TAOK3: variants seen among roughly 807,000 people sequenced by gnomAD.
TAOK3 encodes TAO kinase 3, also known as serine/threonine-protein kinase TAO3.
A neutral mutation model predicts 120.4 loss-of-function variants in TAOK3; 40 were observed. The ratio of observed to expected loss-of-function variants is 0.33; its 90% CI spans 0.26 to 0.43. The LOEUF (loss-of-function observed/expected upper bound fraction) is 0.43, where lower values mean the gene tolerates loss of function less well. Ranked by LOEUF, TAOK3 falls within the 20% of genes least tolerant of loss-of-function variation. The pLI is 1.00. For synonymous variants in TAOK3, 355 were observed against 387.5 expected, an observed-to-expected ratio of 0.92 and a Z score of 0.99; for missense variants, 821 against 1,112.1, an observed-to-expected ratio of 0.74 and a Z score of 3.72.
chr12:118,217,650 C>A lies in TAOK3; in HGVS notation c.644-3540G>T, dbSNP rs190983791. 2.1e-3 allele frequency among the ~76,000 whole-genome samples: 311 copies of A among 150,742 alleles called. 7 individuals are homozygous for A. The highest frequency in any genetic ancestry group is 6.8e-3 in the Middle Eastern group (2 of 292). On this transcript the variant is annotated intron_variant, in intron 9 of 20. Coordinates refer to ENST00000392533, the MANE Select transcript of TAOK3 (RefSeq NM_016281.4). Reference sequence around the variant, plus strand: ...AATGAGCTGAGATCATGCCACTGCACTCCAGCCTGAGTGATGGAGTGAGAC... The same window carrying A: ...AATGAGCTGAGATCATGCCACTGCAATCCAGCCTGAGTGATGGAGTGAGAC...
At chr12:118,158,546 G>A (rs1319095144) in intron 19 of TAOK3, among the ~76,000 whole-genome samples, 4 of 151,844 alleles carry the variant, frequency 2.6e-5, no homozygotes, top group African/African-American at 7.3e-5. Context: ...CTCTCAAATT[G>A]GTCACTAAGT....
chr12:118,244,917 A>G lies in TAOK3; in HGVS notation c.169T>C (p.Tyr57His). ...ACCTCATGGGTCTGCTTCCCACTAT[A>G]GGACATCTTCTTAATTGCCACCACC... ...SEVVAIKKMS[Y>H]SGKQTHEKWQ... The change falls in exon 4 of 21, where the codon TAT becomes CAT. Residue 57 changes from tyrosine (Y) to histidine (H), a missense_variant. Transcript: ENST00000392533. 5 of 1,609,246 alleles carry G rather than the reference A, an allele frequency of 3.1e-6. No homozygotes were observed. Among genetic ancestry groups the G allele is most frequent in the Non-Finnish European group, 4.3e-6 (5 of 1,176,038 alleles).
chr12:118,234,210 A>C (rs61945191), intron 8 of TAOK3, among the ~76,000 whole-genome samples: 1 of 101,008 alleles, frequency 9.9e-6, no homozygotes, highest in Non-Finnish European at 2.2e-5. Flanking sequence ...ATAAAGCAGG[A>C]AATTTTTTTT....
At chr12:118,194,614 T>G (rs75481651) in intron 13 of TAOK3, among the ~76,000 whole-genome samples, 1 of 108,504 alleles carries the variant, frequency 9.2e-6, no homozygotes, top group Non-Finnish European at 2.1e-5. Flanking sequence ...GGACATTTCT[T>G]TTTTTTTTTT....
chr12:118,188,953 C>A (rs879685003), intron 14 of TAOK3, among the ~76,000 whole-genome samples: 2 of 150,806 alleles, frequency 1.3e-5, no homozygotes, highest in Non-Finnish European at 2.9e-5. Flanking sequence ...TGAGTGTGAG[C>A]GCGCACGCGC....
chr12:118,212,415 T>C (rs893628598), intron 11 of TAOK3, among the ~76,000 whole-genome samples: 1 of 152,250 alleles, frequency 6.6e-6, no homozygotes, highest in Admixed American at 6.5e-5. Flanking sequence ...ATCAAATAAA[T>C]GTGGTTAACA....
intron 1 of TAOK3, among the ~76,000 whole-genome samples, chr12:118,278,845 C>A (rs768073747): frequency 3.3e-5 from 5 of 152,192 alleles, no homozygotes; most frequent in African/African-American, 1.2e-4. Flanking sequence ...CTTGCTCTGT[C>A]GCCCAGGCTG....
At chr12:118,182,621 A>ATT (rs1255090106) in intron 14 of TAOK3, among the ~76,000 whole-genome samples, 195 of 98,946 alleles carry the variant, frequency 2.0e-3, no homozygotes, top group East Asian at 0.014. Flanking sequence ...ATATATATAT[A>ATT]TATTTTTTTT....
chr12:118,228,708 C>G (rs1280405335), intron 9 of TAOK3, among the ~76,000 whole-genome samples: 1 of 152,182 alleles, frequency 6.6e-6, no homozygotes, highest in Non-Finnish European at 1.5e-5. Context: ...AACAGTTGCA[C>G]CCTTGTACAC....
intron 9 of TAOK3, among the ~76,000 whole-genome samples, chr12:118,228,996 ACT>A (rs2039636049): frequency 6.6e-6 from 1 of 152,096 alleles, no homozygotes; most frequent in Non-Finnish European, 1.5e-5. Context: ...ATCATGGCTC[ACT>A]GCGGCCTTGA....
At chr12:118,249,423 G>A (rs1169006067) in intron 3 of TAOK3, among the ~76,000 whole-genome samples, 4 of 151,940 alleles carry the variant, frequency 2.6e-5, no homozygotes, top group Non-Finnish European at 4.4e-5. Context: ...TTAGCAGGGC[G>A]TGGTGGCACA....
chr12:118,292,908 T>C lies in TAOK3; in HGVS notation c.-193-26149A>G, dbSNP rs2042538340. ...TTCAAGTAATCCTGTAATGGGACTTTTGGGGATGCCTTTATACCCTAGAAA... is the reference window on the plus strand; with the variant it reads ...TTCAAGTAATCCTGTAATGGGACTTCTGGGGATGCCTTTATACCCTAGAAA... On this transcript the variant is annotated intron_variant, in intron 1 of 20. Coordinates refer to ENST00000392533, the MANE Select transcript of TAOK3 (RefSeq NM_016281.4). 2.0e-5 allele frequency among the ~76,000 whole-genome samples: 3 copies of C among 152,222 alleles called. No individual in the cohort carries two copies. The South Asian group carries it at 6.2e-4, about 32-fold the overall frequency.
At chr12:118,258,675 G>T (rs1284176578) in intron 2 of TAOK3, among the ~76,000 whole-genome samples, 5 of 150,928 alleles carry the variant, frequency 3.3e-5, no homozygotes. Context: ...TCGTGCCACT[G>T]CATTCAAGCC....
chr12:118,293,682 AAAG>A (rs757201039), intron 1 of TAOK3, among the ~76,000 whole-genome samples: 2 of 150,064 alleles, frequency 1.3e-5, no homozygotes, highest in Admixed American at 1.3e-4. Flanking sequence ...TCAAAAAAAA[AAAG>A]GAGAGACAAG....
At chr12:118,192,527 T>C (rs2037486932) in intron 13 of TAOK3, among the ~76,000 whole-genome samples, 1 of 152,212 alleles carries the variant, frequency 6.6e-6, no homozygotes, top group Non-Finnish European at 1.5e-5. Context: ...TAACAGTGGA[T>C]ATTCATTTCA....
At chr12:118,232,031 T>C (rs2039807317) in intron 9 of TAOK3, among the ~76,000 whole-genome samples, 1 of 152,218 alleles carries the variant, frequency 6.6e-6, no homozygotes, top group South Asian at 2.1e-4. Context: ...AAAGGCAGTA[T>C]TATGCTGTAG....
In TAOK3 at chr12:118,161,550, G is replaced by A. The variant is rs1435615324; in HGVS notation, c.2139+238C>T. The stretch of plus-strand genomic sequence containing the variant: ...GAAGTGCTCAGAGAAATTCCATAAT[G>A]GATATGATGACAAATTGATAGATAA... On this transcript the variant is annotated intron_variant, in intron 18 of 20. Transcript: ENST00000392533. This position sits in a 1 kb window ranked among gnomAD's most constrained non-coding sequence, Gnocchi z 4.5. Among the ~76,000 whole-genome samples, 3 of 152,190 alleles carry A rather than the reference G, an allele frequency of 2.0e-5. No individual in the cohort carries two copies. The highest frequency in any genetic ancestry group is 4.4e-5 in the Non-Finnish European group (3 of 68,034).
intron 1 of TAOK3, among the ~76,000 whole-genome samples, chr12:118,308,917 C>T (rs1490710770): frequency 1.9e-5 from 2 of 105,110 alleles, no homozygotes; most frequent in African/African-American, 3.9e-5. Flanking sequence ...GGAACAGCAG[C>T]GAAACTCTGT....
chr12:118,315,007 T>G (rs1476285323), intron 1 of TAOK3, among the ~76,000 whole-genome samples: 1 of 152,054 alleles, frequency 6.6e-6, no homozygotes, highest in Admixed American at 6.6e-5. Context: ...CTAAGCTGGC[T>G]GCAACCTCCG....
Sources: allele counts gnomAD v4.1 joint callset (sites outside exome capture counted in the v4.1 genomes callset), GRCh38; gene constraint gnomAD v4.1.1; non-coding constraint Gnocchi (gnomAD v3.1); transcripts MANE v1.5; gene names NCBI Gene and HGNC (gene_info 2026-07-23, HGNC 2026-07-21).